BMAL1: variants seen among roughly 807,000 people sequenced by gnomAD.
BMAL1 encodes the protein basic helix-loop-helix ARNT-like protein 1.
the BMAL1 span, chr11:13,354,322 G>A: frequency 1.2e-6 from 2 of 1,608,210 alleles, no homozygotes; most frequent in South Asian, 2.2e-5. Context: ...GCAGACCAGA[G>A]AATGGACATT....
chr11:13,287,470 T>C, the BMAL1 span, among the ~76,000 whole-genome samples: 1 of 152,236 alleles, frequency 6.6e-6, no homozygotes, highest in African/African-American at 2.4e-5. Flanking sequence ...TGTCATCTCT[T>C]GTTCTCTGCT....
chr11:13,340,384 T>C, the BMAL1 span, among the ~76,000 whole-genome samples: 2 of 152,224 alleles, frequency 1.3e-5, no homozygotes, highest in Non-Finnish European at 2.9e-5. Flanking sequence ...GCTTTCTACA[T>C]CTTATCTCCC....
chr11:13,385,647 A>G, the BMAL1 span: 7 of 1,491,058 alleles, frequency 4.7e-6, no homozygotes, highest in African/African-American at 9.7e-5. Context: ...CATTGCTCAT[A>G]ATACTGATTC....
the BMAL1 span, among the ~76,000 whole-genome samples, chr11:13,338,553 G>A: frequency 2.0e-5 from 3 of 152,186 alleles, no homozygotes; most frequent in African/African-American, 7.2e-5. Context: ...TTGCCCCGTA[G>A]GTGGGAGGAG....
the BMAL1 span, among the ~76,000 whole-genome samples, chr11:13,277,234 A>T: frequency 6.6e-6 from 1 of 152,248 alleles, no homozygotes; most frequent in African/African-American, 2.4e-5. Context: ...AGAGGGAGTC[A>T]GGAACTGCTG....
At chr11:13,322,109 C>G in the BMAL1 span, among the ~76,000 whole-genome samples, 4 of 152,120 alleles carry the variant, frequency 2.6e-5, no homozygotes, top group African/African-American at 9.7e-5. Flanking sequence ...TCTGTGACCT[C>G]GGGCTAATCA....
chr11:13,383,999 A>T, the BMAL1 span, among the ~76,000 whole-genome samples: 1 of 152,216 alleles, frequency 6.6e-6, no homozygotes, highest in Non-Finnish European at 1.5e-5. Context: ...CCAAAGTATG[A>T]TGTTTGTCTC....
At chr11:13,375,134 G>C in the BMAL1 span, among the ~76,000 whole-genome samples, 1 of 152,168 alleles carries the variant, frequency 6.6e-6, no homozygotes, top group African/African-American at 2.4e-5. Context: ...GTCTCCTCTT[G>C]TATCTCCAGT....
At chr11:13,369,898 A>T in the BMAL1 span, 11 of 1,138,914 alleles carry the variant, frequency 9.7e-6, no homozygotes, top group Non-Finnish European at 1.4e-5. Flanking sequence ...TGCAGACAGG[A>T]CCCTGCAGTC....
chr11:13,337,849 C>CA, the BMAL1 span, among the ~76,000 whole-genome samples: 1 of 152,134 alleles, frequency 6.6e-6, no homozygotes, highest in Admixed American at 6.5e-5. Context: ...CTTCAGTTGT[C>CA]ACAGAGCTTT....
the BMAL1 span, among the ~76,000 whole-genome samples, chr11:13,334,301 C>T: frequency 1.3e-5 from 2 of 152,194 alleles, no homozygotes; most frequent in Non-Finnish European, 2.9e-5. Context: ...GTGCACTAGA[C>T]TTGGGCTGGC....
the BMAL1 span, among the ~76,000 whole-genome samples, chr11:13,288,009 A>T: frequency 6.6e-6 from 1 of 152,224 alleles, no homozygotes; most frequent in Admixed American, 6.5e-5. Context: ...GAGGCTTCAT[A>T]GAACTGGTCA....
chr11:13,356,283 G>T, the BMAL1 span: 2 of 458,116 alleles, frequency 4.4e-6, no homozygotes, highest in Admixed American at 2.3e-5. Context: ...TCCTCACTTC[G>T]TCCCTTCCCT....
the BMAL1 span, among the ~76,000 whole-genome samples, chr11:13,374,603 C>T: frequency 2.0e-5 from 3 of 152,218 alleles, no homozygotes; most frequent in Non-Finnish European, 2.9e-5. Context: ...TTCACTGTGT[C>T]TCCACCAGAT....
At chr11:13,358,350 C>A in the BMAL1 span, 1 of 1,376,662 alleles carries the variant, frequency 7.3e-7, no homozygotes, top group Admixed American at 2.7e-5. Flanking sequence ...ACATTGAAAA[C>A]AGTTACAACT....
chr11:13,386,517 A>C, the BMAL1 span: 1 of 1,357,436 alleles, frequency 7.4e-7, no homozygotes. Context: ...CTTATTAAAA[A>C]TGTGCTTAGG....
the BMAL1 span, among the ~76,000 whole-genome samples, chr11:13,364,472 C>G: frequency 0.019 from 2,828 of 152,344 alleles, 34 homozygotes; most frequent in Middle Eastern, 0.031. Flanking sequence ...AGAACAGTTT[C>G]TCTGTATTTT....
the BMAL1 span, among the ~76,000 whole-genome samples, chr11:13,293,019 A>G: frequency 6.6e-6 from 1 of 152,192 alleles, no homozygotes; most frequent in African/African-American, 2.4e-5. Flanking sequence ...TGAATGAGGA[A>G]AGCTAGCGGT....
chr11:13,338,058 C>T, the BMAL1 span, among the ~76,000 whole-genome samples: 1 of 152,220 alleles, frequency 6.6e-6, no homozygotes, highest in South Asian at 2.1e-4. Context: ...GTTGTGATTC[C>T]TGCACTGAGT....
Sources: allele counts gnomAD v4.1 joint callset (sites outside exome capture counted in the v4.1 genomes callset), GRCh38; gene constraint gnomAD v4.1.1; transcripts MANE v1.5; gene names NCBI Gene and HGNC (gene_info 2026-07-23, HGNC 2026-07-21).